Variants in CBFA2T2 observed in about 807,000 individuals in gnomAD.
CBFA2T2 encodes CBFA2/RUNX1 partner transcriptional co-repressor 2.
A neutral mutation model predicts 62.2 loss-of-function variants in CBFA2T2; 11 were observed. The ratio of observed to expected loss-of-function variants is 0.18; its 90% CI spans 0.11 to 0.29. The LOEUF is 0.29. CBFA2T2 is among the 10% of genes least tolerant of loss of function. The pLI is 1.00. For synonymous variants in CBFA2T2, 295 were observed against 287.5 expected (o/e 1.03, Z -0.27); for missense variants, 592 against 774.1 (o/e 0.76, Z 2.79).
rs561749832 is a variant in CBFA2T2 at position 33,513,778 on chromosome 20, C to T, written c.34+23477C>T. 9.9e-5 allele frequency among the ~76,000 whole-genome samples: 13 copies of T among 131,756 alleles called. No individual in the cohort carries two copies. In the South Asian group the frequency reaches 1.4e-3, roughly 15 times the overall value. 86.4% of individuals were successfully genotyped at this position (131,756 alleles called of 152,430 possible). A position where few individuals can be genotyped will look rare whatever the true frequency, so the allele number is the denominator to read the frequency against. On this transcript the variant is annotated intron_variant, in intron 1 of 10. Coordinates refer to ENST00000342704, the MANE Select transcript of CBFA2T2 (RefSeq NM_001032999.3). ...GCAGTGAGCCAAGATTGCGCAACTGCGCTACTGGCCGGGTGACAGAGTAAG... is the reference window on the plus strand; with the variant it reads ...GCAGTGAGCCAAGATTGCGCAACTGTGCTACTGGCCGGGTGACAGAGTAAG...
intron 1 of CBFA2T2, among the ~76,000 whole-genome samples, chr20:33,510,919 T>C (rs1442323792): frequency 2.6e-5 from 4 of 152,190 alleles, no homozygotes; most frequent in Non-Finnish European, 5.9e-5. Flanking sequence ...GTCTGTTGGC[T>C]GCATAAATGT....
chr20:33,505,589 G>C (rs1243175981), intron 1 of CBFA2T2, among the ~76,000 whole-genome samples: 2 of 152,026 alleles, frequency 1.3e-5, no homozygotes, highest in Non-Finnish European at 2.9e-5. Flanking sequence ...TTCGAGACCA[G>C]CCTCAACATG....
intron 1 of CBFA2T2, among the ~76,000 whole-genome samples, chr20:33,522,942 T>G (rs141231891): frequency 1.3e-5 from 2 of 152,292 alleles, no homozygotes; most frequent in African/African-American, 4.8e-5. Flanking sequence ...GAAAATCCAA[T>G]GGAAAGGTTC....
chr20:33,523,256 A>G (rs903752772), intron 1 of CBFA2T2, among the ~76,000 whole-genome samples: 1 of 152,076 alleles, frequency 6.6e-6, no homozygotes, highest in Admixed American at 6.6e-5. Flanking sequence ...ATTGGGATAA[A>G]TCATAGGCTT....
chr20:33,517,754 C>G (rs892332763), intron 1 of CBFA2T2, among the ~76,000 whole-genome samples: 2 of 151,340 alleles, frequency 1.3e-5, no homozygotes, highest in African/African-American at 2.4e-5. Flanking sequence ...AAGCAATTCT[C>G]CTGACTCAGC....
chr20:33,628,899 T>C (rs2016348971), intron 7 of CBFA2T2, among the ~76,000 whole-genome samples: 1 of 152,194 alleles, frequency 6.6e-6, no homozygotes, highest in African/African-American at 2.4e-5. Flanking sequence ...ACAGAGTCAC[T>C]CCCTAATCTT....
chr20:33,528,339 A>G lies in CBFA2T2; in HGVS notation c.34+38038A>G, dbSNP rs115708143. On this transcript the variant is annotated intron_variant, in intron 1 of 10. Coordinates refer to ENST00000342704, the MANE Select transcript of CBFA2T2 (RefSeq NM_001032999.3). ...CAGAAAGACAGATGAAGATGAGGAC[A>G]TATGAGTAGAATAAAGGAAGTGATC... is the stretch of plus-strand genomic sequence containing the variant. 5.4e-3 allele frequency among the ~76,000 whole-genome samples: 818 copies of G among 152,360 alleles called. 9 individuals are homozygous for G. The highest frequency in any genetic ancestry group is 0.019 in the African/African-American group (784 of 41,576).
chr20:33,642,053 GAA>G (rs1263637284), intron 10 of CBFA2T2, among the ~76,000 whole-genome samples: 3 of 151,510 alleles, frequency 2.0e-5, no homozygotes, highest in African/African-American at 7.3e-5. Flanking sequence ...TGGATTGTGA[GAA>G]AATAGTTTCT....
rs869281966 is a variant in CBFA2T2 at position 33,501,630 on chromosome 20, C to CTTTTTTTTT, written c.34+11349_34+11357dup. The stretch of plus-strand genomic sequence containing the variant: ...AGTTGAAACTATATTCTTAGCCTTC[C>CTTTTTTTTT]TTTTTTTTTTTTTTTTTTTTTTTTT... On this transcript the variant is annotated intron_variant, in intron 1 of 10. Coordinates refer to ENST00000342704, the MANE Select transcript of CBFA2T2 (RefSeq NM_001032999.3). 5.1e-3 allele frequency among the ~76,000 whole-genome samples: 321 copies of CTTTTTTTTT among 63,262 alleles called. 90 individuals carry two copies. The highest frequency in any genetic ancestry group is 0.011 in the African/African-American group (159 of 14,136). 41.5% of individuals were successfully genotyped at this position (63,262 alleles called of 152,430 possible).
intron 1 of CBFA2T2, among the ~76,000 whole-genome samples, chr20:33,573,752 T>C (rs2013681631): frequency 6.6e-6 from 1 of 151,932 alleles, no homozygotes; most frequent in Non-Finnish European, 1.5e-5. Context: ...AGTGCTAGGA[T>C]TACAGGCTTG....
At chr20:33,582,291 C>G (rs905917774) in intron 1 of CBFA2T2, among the ~76,000 whole-genome samples, 1 of 148,466 alleles carries the variant, frequency 6.7e-6, no homozygotes, top group Non-Finnish European at 1.5e-5. Flanking sequence ...TCAGGCGAGA[C>G]CAGCCTGGCC....
chr20:33,502,985 G>A (rs1199593024), intron 1 of CBFA2T2, among the ~76,000 whole-genome samples: 93 of 147,476 alleles, frequency 6.3e-4, no homozygotes, highest in Non-Finnish European at 1.1e-3. Flanking sequence ...CAGCTACTCC[G>A]GAGGCTGAGG....
intron 1 of CBFA2T2, among the ~76,000 whole-genome samples, chr20:33,583,717 T>C (rs2014220354): frequency 6.6e-6 from 1 of 152,222 alleles, no homozygotes; most frequent in African/African-American, 2.4e-5. Context: ...AGACAGATGC[T>C]GTCTACAGGG....
At position 33,557,344 on chromosome 20, in the gene CBFA2T2, C is replaced by A. The variant is rs77969994; in HGVS notation, c.35-49612C>A. ...TTATCTTTTACTTTCCCTGCCCTAC[C>A]AGAGATCAGCTATTTCTCCAAGGAT... On this transcript the variant is annotated intron_variant, in intron 1 of 10. Transcript: ENST00000342704. Among the ~76,000 whole-genome samples the A allele has an allele frequency of 2.5e-3, 386 of 151,856 alleles. 6 individuals carry two copies. The highest frequency in any genetic ancestry group is 9.0e-3 in the African/African-American group (373 of 41,394).
intron 1 of CBFA2T2, among the ~76,000 whole-genome samples, chr20:33,591,760 G>C (rs977760238): frequency 1.3e-5 from 2 of 148,196 alleles, no homozygotes; most frequent in Non-Finnish European, 3.0e-5. Context: ...GCTCTCTTTT[G>C]CTCCTCAGAC....
intron 1 of CBFA2T2, among the ~76,000 whole-genome samples, chr20:33,601,315 A>G (rs1406360472): frequency 1.3e-5 from 2 of 151,972 alleles, no homozygotes; most frequent in Non-Finnish European, 2.9e-5. Context: ...CCCAGACTGG[A>G]GTGCAGTGGT....
At chr20:33,545,000 T>A (rs369878819) in intron 1 of CBFA2T2, among the ~76,000 whole-genome samples, 28 of 125,770 alleles carry the variant, frequency 2.2e-4, no homozygotes, top group African/African-American at 8.2e-4. Context: ...TAGAATAGAA[T>A]AGAATAGAAT....
chr20:33,578,080 A>G (rs2013913825), intron 1 of CBFA2T2, among the ~76,000 whole-genome samples: 2 of 152,314 alleles, frequency 1.3e-5, no homozygotes, highest in Middle Eastern at 3.4e-3. Flanking sequence ...TGGGCATCTG[A>G]AGAAAGGCTT....
At chr20:33,623,048 GCCCTTT>G (rs2016054398) in intron 4 of CBFA2T2, 61 bp from the exon 5 acceptor site, 3 of 1,477,888 alleles carry the variant, frequency 2.0e-6, no homozygotes, top group Non-Finnish European at 2.8e-6. Flanking sequence ...CTTTGTGAAA[GCCCTTT>G]GAGGTGCTGA....
Sources: allele counts gnomAD v4.1 joint callset (sites outside exome capture counted in the v4.1 genomes callset), GRCh38; gene constraint gnomAD v4.1.1; transcripts MANE v1.5; gene names NCBI Gene and HGNC (gene_info 2026-07-23, HGNC 2026-07-21).